The following DLG2 variants were observed in gnomAD, a reference collection of about 807,000 sequenced individuals.
The protein encoded by DLG2 is disks large homolog 2.
In DLG2, 45 loss-of-function variants were observed where a neutral mutation model predicts 132.5. The observed-to-expected ratio is 0.34, with a 90% confidence interval of 0.27 to 0.44. DLG2 has a LOEUF of 0.44. Ranked by LOEUF, DLG2 falls within the 20% of genes least tolerant of loss-of-function variation. DLG2 has a pLI of 1.00. For synonymous variants in DLG2, 424 were observed against 419.6 expected, an observed-to-expected ratio of 1.01 and a Z score of -0.13; for missense variants, 1,045 against 1,196.9, an observed-to-expected ratio of 0.87 and a Z score of 1.87.
At chr11:85,508,018 G>C (rs1598085491) in intron 3 of DLG2, among the ~76,000 whole-genome samples, 1 of 151,972 alleles carries the variant, frequency 6.6e-6, no homozygotes, top group East Asian at 1.9e-4. Flanking sequence ...GCTTGTGCAT[G>C]CATCATGTAG....
Position 85,598,701 on chromosome 11 carries a change from T to A in DLG2, c.-5A>T. The A allele has an allele frequency of 1.3e-6, 2 of 1,575,408 alleles. No homozygotes were observed. The highest frequency in any genetic ancestry group is 1.7e-6 in the Non-Finnish European group (2 of 1,163,264). ...GCTGCTCTTAAAGATACCCATCACC[T>A]TTTTAACCGCATTTTTCAACAGCTG... is the stretch of plus-strand genomic sequence containing the variant. On this transcript the variant is annotated 5_prime_UTR_variant, in exon 3 of 28. In the 5' UTR this introduces an upstream ATG that the reference lacks. Coordinates refer to ENST00000376104, the MANE Select transcript of DLG2 (RefSeq NM_001142699.3).
intron 7 of DLG2, among the ~76,000 whole-genome samples, chr11:84,514,090 G>A (rs955101796): frequency 3.3e-5 from 5 of 152,024 alleles, no homozygotes; most frequent in South Asian, 2.1e-4. Flanking sequence ...CTATGGAAAC[G>A]TGCTCAACAT....
chr11:83,459,620 A>G lies in DLG2; in HGVS notation c.*198T>C. ...AAACCAAAGCCTTCCTTCATACTGCAATGTCTTTTCTGTCCCACCCTTTGG... is the reference window on the plus strand; with the variant it reads ...AAACCAAAGCCTTCCTTCATACTGCGATGTCTTTTCTGTCCCACCCTTTGG... On this transcript the variant is annotated 3_prime_UTR_variant, in exon 28 of 28. Coordinates refer to ENST00000376104, the MANE Select transcript of DLG2 (RefSeq NM_001142699.3). 2.0e-6 allele frequency: 1 copy of G among 490,930 alleles called. No homozygotes were observed. Among genetic ancestry groups the G allele is most frequent in the Non-Finnish European group, 3.7e-6 (1 of 273,170 alleles). The allele number at this position is 490,930 out of a possible 1,614,324, so 30.4% of individuals were successfully genotyped here.
intron 8 of DLG2, among the ~76,000 whole-genome samples, chr11:84,203,650 A>G (rs1264134914): frequency 6.6e-6 from 1 of 151,992 alleles, no homozygotes; most frequent in Non-Finnish European, 1.5e-5. Context: ...GCTAGAAGCC[A>G]TTAACCTCAG....
chr11:84,755,885 A>C (rs2066812764), intron 6 of DLG2, among the ~76,000 whole-genome samples: 1 of 152,214 alleles, frequency 6.6e-6, no homozygotes, highest in Non-Finnish European at 1.5e-5. Flanking sequence ...TATCATAGTG[A>C]AAGTTTATTG....
At chr11:85,480,615 T>C (rs1207370335) in intron 3 of DLG2, among the ~76,000 whole-genome samples, 3 of 152,202 alleles carry the variant, frequency 2.0e-5, no homozygotes, top group East Asian at 1.9e-4. Flanking sequence ...TTTAAACCAA[T>C]AAATAAATTC....
intron 19 of DLG2, among the ~76,000 whole-genome samples, chr11:83,576,988 A>G (rs888443721): frequency 7.9e-5 from 12 of 152,184 alleles, no homozygotes; most frequent in Non-Finnish European, 1.3e-4. Context: ...GATACTGGGT[A>G]TGTCTTTGAA....
chr11:84,962,605 T>A (rs941713218), intron 6 of DLG2, among the ~76,000 whole-genome samples: 16 of 152,200 alleles, frequency 1.1e-4, no homozygotes, highest in African/African-American at 3.9e-4. Context: ...TTTCAATAAA[T>A]ATTTGACAAG....
intron 8 of DLG2, among the ~76,000 whole-genome samples, chr11:84,217,114 A>G (rs1004226859): frequency 6.6e-6 from 1 of 152,228 alleles, no homozygotes; most frequent in Non-Finnish European, 1.5e-5. Flanking sequence ...CAAACTCTCC[A>G]TCAATATGAA....
At chr11:83,713,614 A>G (rs34514322) in intron 18 of DLG2, among the ~76,000 whole-genome samples, 6,048 of 152,280 alleles carry the variant, frequency 0.04, 179 homozygotes, top group South Asian at 0.091. Flanking sequence ...TAAGGAATAT[A>G]TTTCCAGAAG....
chr11:84,014,853 ATAAT>A (rs2095087632), intron 11 of DLG2, among the ~76,000 whole-genome samples: 1 of 148,190 alleles, frequency 6.7e-6, no homozygotes, highest in Non-Finnish European at 1.5e-5. Flanking sequence ...TTTTTTCTGT[ATAAT>A]TAGTTTTGAG....
chr11:85,497,706 G>C (rs558703043), intron 3 of DLG2, among the ~76,000 whole-genome samples: 66 of 152,262 alleles, frequency 4.3e-4, no homozygotes, highest in South Asian at 2.1e-3. Flanking sequence ...ACAAAGTGAA[G>C]CCCATCAGAC....
intron 3 of DLG2, among the ~76,000 whole-genome samples, chr11:85,508,427 A>T (rs775201108): frequency 2.6e-5 from 4 of 151,990 alleles, no homozygotes; most frequent in Non-Finnish European, 5.9e-5. Flanking sequence ...CGGCTCTCTA[A>T]TCAATGTCAC....
intron 7 of DLG2, among the ~76,000 whole-genome samples, chr11:84,359,020 G>A (rs996082037): frequency 6.6e-6 from 1 of 151,858 alleles, no homozygotes; most frequent in African/African-American, 2.4e-5. Context: ...GGAGACATGA[G>A]CATATGAGTA....
chr11:84,002,246 G>A (rs1465933206), intron 11 of DLG2, among the ~76,000 whole-genome samples: 1 of 152,190 alleles, frequency 6.6e-6, no homozygotes, highest in Non-Finnish European at 1.5e-5. Context: ...ACATGCATTA[G>A]TCTGTTTTCA....
chr11:84,888,905 G>A (rs747614869), intron 6 of DLG2, among the ~76,000 whole-genome samples: 2 of 152,106 alleles, frequency 1.3e-5, no homozygotes, highest in Non-Finnish European at 2.9e-5. Context: ...CACTGGCAAA[G>A]CGTCTTCACC....
At chr11:83,504,764 C>T (rs765795656) in intron 21 of DLG2, among the ~76,000 whole-genome samples, 10 of 152,232 alleles carry the variant, frequency 6.6e-5, no homozygotes, top group East Asian at 3.9e-4. Flanking sequence ...TTCCTGGACC[C>T]GTGAATCCTG....
At chr11:84,343,293 T>A (rs11233989) in intron 7 of DLG2, among the ~76,000 whole-genome samples, 2 of 152,212 alleles carry the variant, frequency 1.3e-5, no homozygotes, top group Non-Finnish European at 2.9e-5. Flanking sequence ...AGCTTAATTA[T>A]TTATGATTGC....
chr11:85,019,489 C>A (rs1354749303), intron 6 of DLG2, among the ~76,000 whole-genome samples: 2 of 151,976 alleles, frequency 1.3e-5, no homozygotes. Flanking sequence ...TTTCATTATA[C>A]TTTAAGTTCT....
Sources: gnomAD v4.1 joint callset for allele counts (sites outside exome capture counted in the v4.1 genomes callset) on GRCh38, gnomAD v4.1.1 for gene constraint, MANE v1.5 for transcripts, NCBI Gene and HGNC (gene_info 2026-07-23, HGNC 2026-07-21) for gene names.